RUNDC1: variants seen among roughly 807,000 people sequenced by gnomAD.
RUNDC1 encodes the protein RUN domain containing 1, also known as RUN domain-containing protein 1.
In RUNDC1, 31 loss-of-function variants were observed where a neutral mutation model predicts 49.3. The ratio of observed to expected loss-of-function variants is 0.63; its 90% CI spans 0.47 to 0.85. The LOEUF is 0.85. RUNDC1 is among the 40% of genes least tolerant of loss of function. The pLI is 0.00. For missense variants in RUNDC1, 715 were observed against 806.7 expected (o/e 0.89, Z 1.38); for synonymous variants, 347 against 348.6 (o/e 1.00, Z 0.05).
At chr17:42,986,566 C>T (rs1166850890) in intron 1 of RUNDC1, among the ~76,000 whole-genome samples, 1 of 152,076 alleles carries the variant, frequency 6.6e-6, no homozygotes, top group Non-Finnish European at 1.5e-5. Flanking sequence ...GGCGCGATCT[C>T]TGCTCACTGC....
rs756924818 is a variant in RUNDC1 at position 42,991,665 on chromosome 17, C to T, written c.1791C>T (p.Leu597=). 1.2e-6 allele frequency: 2 copies of T among 1,613,832 alleles called. No homozygotes were observed. The highest frequency in any genetic ancestry group is 8.5e-7 in the Non-Finnish European group (1 of 1,179,984). ...GCCTCAGCAGCCTCAAGTTTAGCCT[C>T]CCTGTAGATCTGGCTGTGCGCCAGC... The part of the protein sequence containing the change: ...LSRLSSLKFS[L]PVDLAVRQLK... The change falls in exon 5 of 5, where the codon CTC becomes CTT. Residue 597 remains leucine, a synonymous_variant. Transcript: ENST00000361677.
At position 42,993,061 on chromosome 17, in the gene RUNDC1, C is replaced by A. The variant is rs1169026131; in HGVS notation, c.*1345C>A. ...GTCGAGTATATACAGGAATACAAAT[C>A]GGTAACCAGCAGCTGTTCCTCAGGT... is the stretch of plus-strand genomic sequence containing the variant. On this transcript the variant is annotated 3_prime_UTR_variant, in exon 5 of 5. Coordinates refer to ENST00000361677, the MANE Select transcript of RUNDC1 (RefSeq NM_173079.5). The A allele has an allele frequency of 6.6e-6, 1 of 152,152 alleles. No individual in the cohort carries two copies. Among genetic ancestry groups the A allele is most frequent in the Admixed American group, 6.6e-5 (1 of 15,266 alleles). 9.4% of individuals were successfully genotyped at this position (152,152 alleles called of 1,614,324 possible). A position where few individuals can be genotyped will look rare whatever the true frequency, so the allele number is the denominator to read the frequency against.
rs691952 is a variant in RUNDC1, at chr17:42,993,954, G to A, written c.*2238G>A. ...AGCTCACTGCAACCTCCGCCTCCTGGGTTCAAGCGATTCTCCTTCCTTAGC... is the reference window on the plus strand; with the variant it reads ...AGCTCACTGCAACCTCCGCCTCCTGAGTTCAAGCGATTCTCCTTCCTTAGC... On this transcript the variant is annotated 3_prime_UTR_variant, in exon 5 of 5. Transcript: ENST00000361677. 0.94 allele frequency among the ~76,000 whole-genome samples: 142,287 copies of A among 152,172 alleles called. 67,265 individuals are homozygous for A. Among genetic ancestry groups the A allele is most frequent in the South Asian group, 1 (4,829 of 4,830 alleles).
chr17:42,990,344 G>T lies in RUNDC1; in HGVS notation c.884G>T (p.Gly295Val). 3 of 1,614,084 alleles carry T rather than the reference G, an allele frequency of 1.9e-6. No homozygotes were observed. The highest frequency in any genetic ancestry group is 2.5e-6 in the Non-Finnish European group (3 of 1,180,000). The change falls in exon 4 of 5, where the codon GGT (glycine) becomes GTT (valine). Residue 295 changes from glycine to valine, a missense_variant. Physicochemically the swap from Gly to Val is moderately radical, Grantham distance 109. This residue lies in a region of RUNDC1 where 425 missense variants were observed against 499.7 expected (regional missense o/e 0.85). Coordinates refer to ENST00000361677, the MANE Select transcript of RUNDC1 (RefSeq NM_173079.5). ...GAAGTGGGAAGCCCCTTGCAGACAG[G>T]TGGTGGACACTGTGAGTGCAAGGCC... ...QDEVGSPLQTGGGHCECKAGG... is the reference protein window; with the variant it reads ...QDEVGSPLQTVGGHCECKAGG...
chr17:42,991,285 C>T lies in RUNDC1; in HGVS notation c.1411C>T (p.His471Tyr). The change falls in exon 5 of 5, where the codon CAC becomes TAC. Residue 471 changes from histidine (H) to tyrosine (Y), a missense_variant. Physicochemically the swap from His to Tyr is moderately conservative, Grantham distance 83. Transcript: ENST00000361677. Reference protein sequence around the residue: ...PAFSSAPEAMHPWELFVKYYH... With the variant: ...PAFSSAPEAMYPWELFVKYYH... Reference sequence around the variant, plus strand: ...CTTCTCCTCGGCCCCAGAGGCCATGCACCCGTGGGAGCTCTTTGTAAAGTA... The same window carrying T: ...CTTCTCCTCGGCCCCAGAGGCCATGTACCCGTGGGAGCTCTTTGTAAAGTA... 1.2e-6 allele frequency: 2 copies of T among 1,614,204 alleles called. No individual in the cohort carries two copies. Among genetic ancestry groups the T allele is most frequent in the Non-Finnish European group, 1.7e-6 (2 of 1,180,034 alleles).
intron 1 of RUNDC1, chr17:42,985,602 C>CTTTTTTTTTTTTTTTTTTCT (rs71157692): frequency 5.9e-6 from 1 of 169,706 alleles, no homozygotes; most frequent in African/African-American, 2.7e-5. Context: ...TTGTTGTTTT[C>CTTTTTTTTTTTTTTTTTTCT]TTTTTTTTTT....
chr17:42,991,567 A>G lies in RUNDC1; in HGVS notation c.1693A>G (p.Ile565Val), dbSNP rs773346413. The G allele has an allele frequency of 2.5e-6, 4 of 1,614,168 alleles. No individual in the cohort carries two copies. Among genetic ancestry groups the G allele is most frequent in the African/African-American group, 1.3e-5 (1 of 75,046 alleles). Residue 565 changes from isoleucine to valine, a missense_variant, in exon 5 of 5, where the codon ATC (isoleucine) becomes GTC (valine). By Grantham distance (29) the Ile-to-Val change is conservative. This residue lies in a region of RUNDC1 where 425 missense variants were observed against 499.7 expected (regional missense o/e 0.85). Coordinates refer to ENST00000361677, the MANE Select transcript of RUNDC1 (RefSeq NM_173079.5). ...VNLICKSGSL[I>V]EPHYQPWSYM... ...CCTCATCTGCAAGTCCGGGTCACTC[A>G]TCGAGCCTCACTACCAGCCCTGGAG... is the stretch of plus-strand genomic sequence containing the variant.
In RUNDC1 at chr17:42,993,076, G is replaced by C. The variant is rs1257050958; in HGVS notation, c.*1360G>C. On this transcript the variant is annotated 3_prime_UTR_variant, in exon 5 of 5. Coordinates refer to ENST00000361677, the MANE Select transcript of RUNDC1 (RefSeq NM_173079.5). ...GAATACAAATCGGTAACCAGCAGCT[G>C]TTCCTCAGGTTGTGACTCACTGAGC... The C allele has an allele frequency of 1.3e-5, 2 of 152,344 alleles. No individual in the cohort carries two copies. Among genetic ancestry groups the C allele is most frequent in the Admixed American group, 6.5e-5 (1 of 15,298 alleles). 9.4% of individuals were successfully genotyped at this position (152,344 alleles called of 1,614,324 possible).
chr17:42,994,325 C>T lies in RUNDC1; in HGVS notation c.*2609C>T, dbSNP rs75073872. ...CATTACAGGAAGCATTTTCATTTGTCTCATTCTAATTAAATTCTCACTACT... is the reference window on the plus strand; with the variant it reads ...CATTACAGGAAGCATTTTCATTTGTTTCATTCTAATTAAATTCTCACTACT... On this transcript the variant is annotated 3_prime_UTR_variant, in exon 5 of 5. Transcript: ENST00000361677. Among the ~76,000 whole-genome samples the T allele has an allele frequency of 0.017, 2,550 of 152,290 alleles. 78 individuals are homozygous for T. Among genetic ancestry groups the T allele is most frequent in the African/African-American group, 0.059 (2,438 of 41,538 alleles).
intron 3 of RUNDC1, 107 bp from the exon 4 acceptor site, chr17:42,990,210 G>T: frequency 2.1e-6 from 3 of 1,426,724 alleles, no homozygotes; most frequent in East Asian, 2.3e-5. Context: ...TAGGACAAGA[G>T]TTTGTGAAAT....
chr17:42,995,023 T>A lies in RUNDC1; in HGVS notation c.*3307T>A, dbSNP rs754973630. On this transcript the variant is annotated 3_prime_UTR_variant, in exon 5 of 5. Transcript: ENST00000361677. The stretch of plus-strand genomic sequence containing the variant: ...TTAGCAACTGCCTGCCTAGACTAGA[T>A]GCTAAAGAAAGAGAAAAGTAAACCT... Among the ~76,000 whole-genome samples, 4 of 152,186 alleles carry A rather than the reference T, an allele frequency of 2.6e-5. No homozygotes were observed. The highest frequency in any genetic ancestry group is 5.9e-5 in the Non-Finnish European group (4 of 68,038).
In RUNDC1 at chr17:42,991,027, C is replaced by A; in HGVS notation, c.1153C>A (p.Leu385Met). Residue 385 changes from leucine (L) to methionine (M), a missense_variant, in exon 5 of 5, where the codon CTG (leucine) becomes ATG (methionine). Leu to Met is a conservative substitution (Grantham distance 15, BLOSUM62 2). This residue lies in a region of RUNDC1 where 425 missense variants were observed against 499.7 expected (regional missense o/e 0.85). Transcript: ENST00000361677. ...DRDYSPLLKRLEVSVDRVKQL... is the reference protein window; with the variant it reads ...DRDYSPLLKRMEVSVDRVKQL... ...AGACTACTCTCCCTTGCTGAAGAGG[C>A]TGGAGGTGTCAGTGGACAGAGTGAA... 6.2e-7 allele frequency: 1 copy of A among 1,614,156 alleles called. No individual in the cohort carries two copies. The highest frequency in any genetic ancestry group is 8.5e-7 in the Non-Finnish European group (1 of 1,180,024).
rs1448457413 is a variant in RUNDC1 at position 42,991,370 on chromosome 17, C to T, written c.1496C>T (p.Ser499Phe). 1 of 1,614,110 alleles carries T rather than the reference C, an allele frequency of 6.2e-7. No individual in the cohort carries two copies. The highest frequency in any genetic ancestry group is 1.3e-5 in the African/African-American group (1 of 74,930). ...TCCCCAGCCCGGAAGCTCTCCCAGT[C>T]CTTCGCCCTTCCTGTTACGGGAGGC... ...VESPARKLSQ[S>F]FALPVTGGTV... The change falls in exon 5 of 5, where the codon TCC becomes TTC. Residue 499 changes from serine (S) to phenylalanine (F), a missense_variant. Ser to Phe is a radical substitution (Grantham distance 155). This residue lies in a region of RUNDC1 where 425 missense variants were observed against 499.7 expected (regional missense o/e 0.85). Coordinates refer to ENST00000361677, the MANE Select transcript of RUNDC1 (RefSeq NM_173079.5).
Position 42,990,429 on chromosome 17 carries a change from C to T in RUNDC1, c.969C>T (p.Asn323=). The change falls in exon 4 of 5, where the codon AAC becomes AAT. Residue 323 remains asparagine, a synonymous_variant. Transcript: ENST00000361677. ...GCAGCAGCAGAACGCCTCCAGGAAA[C>T]AGCAAAAGTAAGTGCAGTTTCCAGA... The part of the protein sequence containing the change: ...RTGSSRTPPG[N]SKTKAEDVKK... The T allele has an allele frequency of 6.2e-7, 1 of 1,613,670 alleles. No individual in the cohort carries two copies. Among genetic ancestry groups the T allele is most frequent in the Non-Finnish European group, 8.5e-7 (1 of 1,179,954 alleles).
Position 42,980,620 on chromosome 17 carries a change from C to T in RUNDC1, c.44C>T (p.Ala15Val). Residue 15 changes from alanine (A) to valine (V), a missense_variant, in exon 1 of 5, where the codon GCG becomes GTG. Transcript: ENST00000361677. ...EAAAEPVTVVAAVGPKAKDEE... is the reference protein window; with the variant it reads ...EAAAEPVTVVVAVGPKAKDEE... The stretch of plus-strand genomic sequence containing the variant: ...GCTGCAGAGCCGGTAACGGTGGTGG[C>T]GGCTGTTGGGCCAAAGGCGAAAGAC... 2 of 1,608,476 alleles carry T rather than the reference C, an allele frequency of 1.2e-6. No individual in the cohort carries two copies. Among genetic ancestry groups the T allele is most frequent in the Non-Finnish European group, 1.7e-6 (2 of 1,178,972 alleles).
At chr17:42,982,425 G>A (rs1252561774) in intron 1 of RUNDC1, among the ~76,000 whole-genome samples, 5 of 152,112 alleles carry the variant, frequency 3.3e-5, no homozygotes, top group African/African-American at 1.2e-4. Context: ...GCAATCCTGT[G>A]TTTACTGTTC....
At position 42,980,851 on chromosome 17, in the gene RUNDC1, C is replaced by T; in HGVS notation, c.275C>T (p.Ser92Leu). The T allele has an allele frequency of 1.4e-6, 2 of 1,409,636 alleles. No homozygotes were observed. The highest frequency in any genetic ancestry group is 1.5e-5 in the African/African-American group (1 of 66,660). The allele number at this position is 1,409,636 out of a possible 1,614,324, so 87.3% of individuals were successfully genotyped here. A position where few individuals can be genotyped will look rare whatever the true frequency, so the allele number is the denominator to read the frequency against. Residue 92 changes from serine to leucine, a missense_variant, in exon 1 of 5, where the codon TCG (serine) becomes TTG (leucine). By Grantham distance (145) the Ser-to-Leu change is moderately radical. This residue lies in a region of RUNDC1 where 153 missense variants were observed against 139.4 expected (regional missense o/e 1.10). Transcript: ENST00000361677. Reference sequence around the variant, plus strand: ...CGGGCAGAGCGGCGGCGGCTGGACTCGGCGCTGCTGGCGCTGTCCTCGCAC... The same window carrying T: ...CGGGCAGAGCGGCGGCGGCTGGACTTGGCGCTGCTGGCGCTGTCCTCGCAC... ...RLRAERRRLD[S>L]ALLALSSHFA...
chr17:42,980,882 G>A lies in RUNDC1; in HGVS notation c.306G>A (p.Ala102=), dbSNP rs1027461674. ...TGCTGGCGCTGTCCTCGCACTTCGC[G>A]CAGGTGCAGTTCCGCCTGCGCCAGG... ...SALLALSSHF[A]QVQFRLRQVV... is the part of the protein sequence containing the mutation. Residue 102 remains alanine (A), a synonymous_variant, in exon 1 of 5, where the codon GCG becomes GCA. Transcript: ENST00000361677. 2.0e-6 allele frequency: 3 copies of A among 1,503,884 alleles called. No individual in the cohort carries two copies. The highest frequency in any genetic ancestry group is 5.4e-5 in the East Asian group (2 of 36,834). 93.2% of individuals were successfully genotyped at this position (1,503,884 alleles called of 1,614,324 possible).
At chr17:42,988,863 G>C (rs1468978320) in intron 2 of RUNDC1, among the ~76,000 whole-genome samples, 1 of 152,086 alleles carries the variant, frequency 6.6e-6, no homozygotes, top group African/African-American at 2.4e-5. Context: ...TATAGTCCCA[G>C]CTATGGGGGA....
Sources: allele counts gnomAD v4.1 joint callset (sites outside exome capture counted in the v4.1 genomes callset), GRCh38; gene constraint gnomAD v4.1.1; regional missense constraint gnomAD v4.1.1; transcripts MANE v1.5; gene names NCBI Gene and HGNC (gene_info 2026-07-23, HGNC 2026-07-21).